RALGPS2: variants seen among roughly 807,000 people sequenced by gnomAD.
The protein encoded by RALGPS2 is ras-specific guanine nucleotide-releasing factor RalGPS2.
In RALGPS2, 43 loss-of-function variants were observed where a neutral mutation model predicts 86.8. The ratio of observed to expected loss-of-function variants is 0.50; its 90% CI spans 0.39 to 0.64. The LOEUF is 0.64. RALGPS2 is among the 30% of genes least tolerant of loss of function. The probability of loss-of-function intolerance (pLI) is 0.00; values close to 1 mark genes in which losing one functional copy is unlikely to be tolerated. For synonymous variants in RALGPS2, 243 were observed against 231.3 expected (o/e 1.05, Z -0.46); for missense variants, 536 against 694.6 (o/e 0.77, Z 2.57).
intron 1 of RALGPS2, among the ~76,000 whole-genome samples, chr1:178,735,602 T>C (rs1014457313): frequency 4.6e-5 from 2 of 43,630 alleles, no homozygotes; most frequent in Non-Finnish European, 9.1e-5. Flanking sequence ...TTTTGTATTC[T>C]TTTTTTTTTT....
rs1326470261 is a variant in RALGPS2 at position 178,752,344 on chromosome 1, GC to G, written c.-83-24337del. On this transcript the variant is annotated intron_variant, in intron 1 of 19. Transcript: ENST00000367635. ...TTTTTTTTTTTTGTAGAGATTGGTG[GC>G]GGGGGGGAGGGTCTCACTTTGTTGC... Among the ~76,000 whole-genome samples the G allele has an allele frequency of 2.0e-5, 3 of 150,804 alleles. 1 individual carries two copies. The highest frequency in any genetic ancestry group is 7.4e-5 in the African/African-American group (3 of 40,762).
At chr1:178,814,885 C>T (rs960398619) in intron 6 of RALGPS2, among the ~76,000 whole-genome samples, 1 of 152,136 alleles carries the variant, frequency 6.6e-6, no homozygotes, top group African/African-American at 2.4e-5. Flanking sequence ...TTCATTGTTG[C>T]CAATTCTGGT....
At chr1:178,862,725 A>T (rs1658121711) in intron 8 of RALGPS2, among the ~76,000 whole-genome samples, 1 of 152,032 alleles carries the variant, frequency 6.6e-6, no homozygotes, top group Non-Finnish European at 1.5e-5. Flanking sequence ...AATTTGTTTT[A>T]TTGGAACAGA....
At chr1:178,803,106 T>C (rs1410970676) in intron 4 of RALGPS2, among the ~76,000 whole-genome samples, 1 of 152,158 alleles carries the variant, frequency 6.6e-6, no homozygotes, top group African/African-American at 2.4e-5. Context: ...TGATTCAGTA[T>C]TTCAGGAGGG....
At chr1:178,779,597 A>G (rs1653280380) in intron 2 of RALGPS2, among the ~76,000 whole-genome samples, 1 of 152,246 alleles carries the variant, frequency 6.6e-6, no homozygotes, top group South Asian at 2.1e-4. Context: ...AGACATTTTA[A>G]TGTCCACAAA....
rs918827578 is a variant in RALGPS2 at position 178,839,222 on chromosome 1, A to C, written c.607+5672A>C. Among the ~76,000 whole-genome samples, 194 of 152,316 alleles carry C rather than the reference A, an allele frequency of 1.3e-3. 2 individuals are homozygous for C. Among genetic ancestry groups the C allele is most frequent in the African/African-American group, 4.3e-3 (178 of 41,558 alleles). ...AGACACATAATTGCCAGATTCACCA[A>C]AGTTGAAATGAAGGAAAAAATGTTA... On this transcript the variant is annotated intron_variant, in intron 8 of 19. Coordinates refer to ENST00000367635, the MANE Select transcript of RALGPS2 (RefSeq NM_152663.5).
rs142799137 is a variant in RALGPS2, at chr1:178,752,959, C to CCTTTTCATTGTGG, written c.-83-23711_-83-23710insGCTTTTCATTGTG. ...TAATAGTTCATTAATATGGACTCTG[C>CCTTTTCATTGTGG]CTTTTCATTGTGTACAGTCCAGGCT... On this transcript the variant is annotated intron_variant, in intron 1 of 19. Transcript: ENST00000367635. 1.1e-3 allele frequency among the ~76,000 whole-genome samples: 173 copies of CCTTTTCATTGTGG among 152,258 alleles called. 1 individual carries two copies. Among genetic ancestry groups the CCTTTTCATTGTGG allele is most frequent in the Admixed American group, 2.1e-3 (32 of 15,306 alleles).
intron 8 of RALGPS2, among the ~76,000 whole-genome samples, chr1:178,842,716 A>G (rs1474216439): frequency 8.8e-4 from 127 of 143,780 alleles, no homozygotes; most frequent in African/African-American, 2.7e-3. Context: ...TGAACAGGCA[A>G]CCTACAAAAT....
At chr1:178,832,830 C>A (rs1246798598) in intron 7 of RALGPS2, among the ~76,000 whole-genome samples, 1 of 150,702 alleles carries the variant, frequency 6.6e-6, no homozygotes, top group Non-Finnish European at 1.5e-5. Context: ...CTCAAAGGCA[C>A]TTACTGCAAA....
At chr1:178,812,089 G>A (rs1222694466) in intron 6 of RALGPS2, among the ~76,000 whole-genome samples, 1 of 152,130 alleles carries the variant, frequency 6.6e-6, no homozygotes, top group Non-Finnish European at 1.5e-5. Context: ...TGAGAGAAAA[G>A]CATAGCAGAT....
chr1:178,857,144 A>C (rs1657642071), intron 8 of RALGPS2, among the ~76,000 whole-genome samples: 2 of 152,210 alleles, frequency 1.3e-5, no homozygotes, highest in Non-Finnish European at 2.9e-5. Flanking sequence ...TGGAAGGAAA[A>C]GTAAATTATG....
intron 1 of RALGPS2, among the ~76,000 whole-genome samples, chr1:178,757,237 TAGTC>T (rs1652003121): frequency 6.6e-6 from 1 of 152,218 alleles, no homozygotes; most frequent in African/African-American, 2.4e-5. Flanking sequence ...TAGAATCACA[TAGTC>T]AGTGAAGAGA....
intron 4 of RALGPS2, among the ~76,000 whole-genome samples, chr1:178,789,600 A>G (rs968776260): frequency 1.3e-5 from 2 of 152,238 alleles, no homozygotes; most frequent in African/African-American, 4.8e-5. Flanking sequence ...TAGACAGCCA[A>G]GGAGAATGTT....
chr1:178,753,669 C>T (rs1034603103), intron 1 of RALGPS2: 2 of 152,076 alleles, frequency 1.3e-5, no homozygotes, highest in East Asian at 1.9e-4. Context: ...TGAGACCAAG[C>T]GTCTCTGTCT....
intron 8 of RALGPS2, among the ~76,000 whole-genome samples, chr1:178,859,517 C>T (rs1322464864): frequency 1.3e-5 from 2 of 148,526 alleles, no homozygotes; most frequent in African/African-American, 5.0e-5. Context: ...AATTTTCCTG[C>T]CTCAGCCTCC....
At chr1:178,763,026 TG>T (rs1652329684) in intron 1 of RALGPS2, among the ~76,000 whole-genome samples, 1 of 152,162 alleles carries the variant, frequency 6.6e-6, no homozygotes, top group Non-Finnish European at 1.5e-5. Context: ...TATTTGTATA[TG>T]GTACAAGGAA....
intron 19 of RALGPS2, among the ~76,000 whole-genome samples, chr1:178,909,965 G>A (rs1463088473): frequency 6.6e-6 from 1 of 152,024 alleles, no homozygotes; most frequent in Non-Finnish European, 1.5e-5. Flanking sequence ...TCTCATAGTA[G>A]AGATCTTTTA....
intron 8 of RALGPS2, among the ~76,000 whole-genome samples, chr1:178,843,653 TTAAA>T (rs1284033222): frequency 3.7e-5 from 5 of 134,862 alleles, no homozygotes; most frequent in Non-Finnish European, 7.9e-5. Context: ...TAAAGTATAA[TTAAA>T]AAAAAAAAAA....
intron 1 of RALGPS2, among the ~76,000 whole-genome samples, chr1:178,738,531 G>A (rs370700779): frequency 2.6e-5 from 4 of 152,172 alleles, no homozygotes; most frequent in Non-Finnish European, 5.9e-5. Flanking sequence ...TCTTAAATTT[G>A]CATTGAAAGG....
Sources: allele counts gnomAD v4.1 joint callset (sites outside exome capture counted in the v4.1 genomes callset), GRCh38; gene constraint gnomAD v4.1.1; transcripts MANE v1.5; gene names NCBI Gene and HGNC (gene_info 2026-07-23, HGNC 2026-07-21).